The following CNTN4 variants were observed in gnomAD, a reference collection of about 807,000 sequenced individuals.
CNTN4 encodes contactin 4, also known as contactin-4.
A neutral mutation model predicts 122.5 loss-of-function variants in CNTN4; 77 were observed. That is an observed-to-expected ratio of 0.63 (90% CI 0.52 to 0.76). The LOEUF (loss-of-function observed/expected upper bound fraction) is 0.76. Among genes scored for constraint, CNTN4 ranks in the 30% least tolerant of loss-of-function variants. The pLI is 0.00. For missense variants in CNTN4, 1,256 were observed against 1,259.1 expected (o/e 1.00, Z 0.04); for synonymous variants, 512 against 447.0 (o/e 1.15, Z -1.83).
intron 3 of CNTN4, among the ~76,000 whole-genome samples, chr3:2,561,081 T>A (rs2078933879): frequency 6.6e-6 from 1 of 152,220 alleles, no homozygotes; most frequent in African/African-American, 2.4e-5. Flanking sequence ...CCACTAAGTG[T>A]ATCCAAGTAA....
At chr3:2,900,843 G>T (rs759135004) in intron 11 of CNTN4, 22 bp downstream of exon 11, 3 of 1,613,652 alleles carry the variant, frequency 1.9e-6, no homozygotes, top group East Asian at 2.2e-5. Flanking sequence ...AATGGTAATT[G>T]TGCCTTAGTC....
intron 13 of CNTN4, among the ~76,000 whole-genome samples, chr3:2,945,095 C>T (rs922272099): frequency 6.6e-6 from 1 of 152,090 alleles, no homozygotes; most frequent in Non-Finnish European, 1.5e-5. Flanking sequence ...CTTTAAGCTG[C>T]CCCATATTCT....
At chr3:2,906,817 C>T (rs1371024345) in intron 12 of CNTN4, among the ~76,000 whole-genome samples, 2 of 148,246 alleles carry the variant, frequency 1.3e-5, no homozygotes, top group Non-Finnish European at 3.0e-5. Flanking sequence ...GCACTCCGGC[C>T]TGGGCAACAA....
intron 10 of CNTN4, among the ~76,000 whole-genome samples, chr3:2,889,607 A>G (rs372066579): frequency 6.6e-6 from 1 of 152,196 alleles, no homozygotes; most frequent in African/African-American, 2.4e-5. Flanking sequence ...GATAGGAACA[A>G]TCTGTAAATA....
At chr3:2,390,030 G>C (rs2046386875) in intron 3 of CNTN4, among the ~76,000 whole-genome samples, 1 of 152,122 alleles carries the variant, frequency 6.6e-6, no homozygotes, top group Admixed American at 6.5e-5. Context: ...ACATTACTGG[G>C]ACAACTGGAA....
At chr3:2,692,760 C>T (rs2085810633) in intron 4 of CNTN4, among the ~76,000 whole-genome samples, 1 of 152,044 alleles carries the variant, frequency 6.6e-6, no homozygotes, top group South Asian at 2.1e-4. Flanking sequence ...AAATTAAGAT[C>T]TCTGTGTTTC....
At chr3:2,122,725 C>G (rs1348196766) in intron 2 of CNTN4, among the ~76,000 whole-genome samples, 1 of 152,164 alleles carries the variant, frequency 6.6e-6, no homozygotes, top group African/African-American at 2.4e-5. Context: ...ATTCTCAAAA[C>G]AAGGTTGTCA....
At chr3:2,464,332 G>T (rs2075421392) in intron 3 of CNTN4, among the ~76,000 whole-genome samples, 1 of 152,212 alleles carries the variant, frequency 6.6e-6, no homozygotes, top group African/African-American at 2.4e-5. Context: ...TCTAAGTGTT[G>T]TTGCAGGAAG....
intron 3 of CNTN4, among the ~76,000 whole-genome samples, chr3:2,512,117 C>G (rs1008786914): frequency 1.3e-5 from 2 of 152,114 alleles, no homozygotes; most frequent in African/African-American, 4.8e-5. Flanking sequence ...TTAAATTTAA[C>G]ATAGTTTATT....
At chr3:2,920,831 G>C (rs2094421852) in intron 12 of CNTN4, among the ~76,000 whole-genome samples, 1 of 151,886 alleles carries the variant, frequency 6.6e-6, no homozygotes, top group Non-Finnish European at 1.5e-5. Flanking sequence ...CAAAGGAATA[G>C]GAGTTTTTAA....
chr3:2,990,016 A>G (rs1011542892), intron 14 of CNTN4, among the ~76,000 whole-genome samples: 8 of 152,236 alleles, frequency 5.3e-5, no homozygotes, highest in African/African-American at 1.7e-4. Context: ...TCTCATTTCT[A>G]CCACTTACCA....
At chr3:2,625,780 G>A (rs1271366105) in intron 4 of CNTN4, among the ~76,000 whole-genome samples, 2 of 152,040 alleles carry the variant, frequency 1.3e-5, no homozygotes, top group African/African-American at 4.8e-5. Flanking sequence ...TTTCTGCTAT[G>A]AATATTGTTA....
intron 3 of CNTN4, among the ~76,000 whole-genome samples, chr3:2,412,408 T>G (rs2047258224): frequency 6.6e-6 from 1 of 151,984 alleles, no homozygotes; most frequent in South Asian, 2.1e-4. Flanking sequence ...CCCACCACCA[T>G]GCCCAGCTGA....
intron 3 of CNTN4, among the ~76,000 whole-genome samples, chr3:2,524,919 C>T (rs2077348006): frequency 6.6e-6 from 1 of 152,122 alleles, no homozygotes; most frequent in Admixed American, 6.6e-5. Flanking sequence ...ATTTGAATGG[C>T]AACATAGAAC....
At chr3:2,362,140 G>A (rs2045174997) in intron 3 of CNTN4, 2 of 155,796 alleles carry the variant, frequency 1.3e-5, no homozygotes, top group Admixed American at 1.3e-4. Context: ...AGCAGTTAAG[G>A]AGAGTGGCTT....
At chr3:2,349,071 T>C (rs892414464) in intron 3 of CNTN4, among the ~76,000 whole-genome samples, 4 of 152,238 alleles carry the variant, frequency 2.6e-5, no homozygotes, top group Non-Finnish European at 5.9e-5. Flanking sequence ...TGAAGTCTTT[T>C]AAAATTTACA....
chr3:2,233,598 T>A (rs567816636), intron 2 of CNTN4, among the ~76,000 whole-genome samples: 1 of 152,274 alleles, frequency 6.6e-6, no homozygotes, highest in Admixed American at 6.5e-5. Flanking sequence ...AAATCAAATC[T>A]GTTGAGAATC....
intron 4 of CNTN4, among the ~76,000 whole-genome samples, chr3:2,629,912 TC>T (rs1365870051): frequency 6.6e-6 from 1 of 152,174 alleles, no homozygotes; most frequent in Non-Finnish European, 1.5e-5. Flanking sequence ...TTGAGGGTTT[TC>T]TCTATGTTTC....
chr3:2,206,684 A>G (rs983022365), intron 2 of CNTN4, among the ~76,000 whole-genome samples: 4 of 152,126 alleles, frequency 2.6e-5, no homozygotes, highest in African/African-American at 4.8e-5. Flanking sequence ...ATTCAGACCT[A>G]TCAACTGGTA....
Sources: allele counts gnomAD v4.1 joint callset (sites outside exome capture counted in the v4.1 genomes callset), GRCh38; gene constraint gnomAD v4.1.1; transcripts MANE v1.5; gene names NCBI Gene and HGNC (gene_info 2026-07-23, HGNC 2026-07-21).